Variants in NFASC observed in about 807,000 individuals in gnomAD.
NFASC encodes the protein neurofascin, also known as neurofascin homolog.
Under a neutral mutation model 147.5 loss-of-function variants are expected in NFASC, and 43 were observed. The ratio of observed to expected loss-of-function variants is 0.29; its 90% CI spans 0.23 to 0.38. The LOEUF (loss-of-function observed/expected upper bound fraction) is 0.38, where lower values mean the gene tolerates loss of function less well. NFASC is among the 10% of genes least tolerant of loss of function. The pLI is 1.00. For synonymous variants in NFASC, 622 were observed against 665.5 expected (o/e 0.93, Z 1.01); for missense variants, 1,320 against 1,689.0 (o/e 0.78, Z 3.83).
intron 1 of NFASC, among the ~76,000 whole-genome samples, chr1:204,907,001 T>C (rs1179193540): frequency 1.3e-5 from 2 of 152,220 alleles, no homozygotes; most frequent in South Asian, 4.1e-4. Context: ...TCCCAGGTCA[T>C]ATGGCAACTG....
chr1:205,021,974 C>T lies in NFASC; in HGVS notation c.*5435C>T, dbSNP rs531600302. ...CGGGCCTTCAGTGTGCTGTATTCCT[C>T]AGAAGTGAGGGCATCTCGGTCCATT... On this transcript the variant is annotated 3_prime_UTR_variant, in exon 30 of 30. Transcript: ENST00000339876. 2 of 152,646 alleles carry T rather than the reference C, an allele frequency of 1.3e-5. No individual in the cohort carries two copies. The highest frequency in any genetic ancestry group is 2.9e-5 in the Non-Finnish European group (2 of 68,066). The allele number at this position is 152,646 out of a possible 1,614,324, so 9.5% of individuals were successfully genotyped here.
intron 17 of NFASC, 110 bp from the exon 18 acceptor site, chr1:204,978,858 A>T: frequency 2.5e-6 from 2 of 796,444 alleles, no homozygotes; most frequent in Non-Finnish European, 2.0e-6. Flanking sequence ...CTGGGGTTGG[A>T]TCCAGCTGGT....
chr1:204,947,981 T>C (rs1387914800), intron 3 of NFASC, among the ~76,000 whole-genome samples: 1 of 151,904 alleles, frequency 6.6e-6, no homozygotes. Context: ...CACTCACACG[T>C]GCCCTCACAT....
chr1:204,944,685 A>T (rs2093596064), intron 3 of NFASC: 1 of 416,398 alleles, frequency 2.4e-6, no homozygotes, highest in Non-Finnish European at 4.2e-6. Flanking sequence ...GAGGTGGCGG[A>T]GTTTGGGATT....
chr1:204,914,440 G>T (rs2088626217), intron 1 of NFASC, among the ~76,000 whole-genome samples: 1 of 152,184 alleles, frequency 6.6e-6, no homozygotes, highest in South Asian at 2.1e-4. Context: ...TGTGAAGAAG[G>T]ACATGTTTGC....
At position 204,968,620 on chromosome 1, in the gene NFASC, C is replaced by T. The variant is rs113664288; in HGVS notation, c.819-178C>T. On this transcript the variant is annotated intron_variant, in intron 9 of 29. Transcript: ENST00000339876. The surrounding 1 kb of genome is among the most constrained non-coding windows in gnomAD (Gnocchi z 5.4). ...AGAATCTCGTGGGACCTTAGCTAAG[C>T]CTTCAGGCTCTCTGTGGCTGAGCAT... 2.5e-3 allele frequency: 1,597 copies of T among 639,202 alleles called. 17 individuals are homozygous for T. The African/African-American group carries it at 0.026, about 10-fold the overall frequency. 39.6% of individuals were successfully genotyped at this position (639,202 alleles called of 1,614,324 possible).
At chr1:204,884,408 G>A (rs1265172552) in intron 1 of NFASC, among the ~76,000 whole-genome samples, 1 of 152,164 alleles carries the variant, frequency 6.6e-6, no homozygotes, top group East Asian at 1.9e-4. Flanking sequence ...GGTATTGAGA[G>A]CCTCTTCTTC....
intron 13 of NFASC, 171 bp from the exon 14 acceptor site, chr1:204,974,486 C>A: frequency 1.1e-6 from 1 of 888,516 alleles, no homozygotes; most frequent in Non-Finnish European, 1.8e-6. Context: ...GGGATGGAGG[C>A]TTGCCAGGGC....
chr1:204,915,419 T>C (rs2088968136), intron 1 of NFASC, among the ~76,000 whole-genome samples: 2 of 152,200 alleles, frequency 1.3e-5, no homozygotes, highest in Admixed American at 6.5e-5. Context: ...TAAAAATACA[T>C]GTATATGTAT....
intron 1 of NFASC, among the ~76,000 whole-genome samples, chr1:204,910,689 GAGA>G (rs1558068274): frequency 6.6e-6 from 1 of 151,970 alleles, no homozygotes; most frequent in Non-Finnish European, 1.5e-5. Context: ...TTTTTGTAGG[GAGA>G]AGATCTTGCT....
intron 24 of NFASC, among the ~76,000 whole-genome samples, chr1:204,995,990 C>T (rs1046929243): frequency 1.5e-4 from 23 of 152,122 alleles, no homozygotes; most frequent in African/African-American, 4.3e-4. Context: ...TGTCAGATCA[C>T]AGGAGATCCA....
chr1:205,004,832 C>G (rs1358327996), intron 27 of NFASC, among the ~76,000 whole-genome samples: 1 of 152,228 alleles, frequency 6.6e-6, no homozygotes, highest in Non-Finnish European at 1.5e-5. Context: ...TGAAGGAAAC[C>G]ACTGGGAAGG....
intron 29 of NFASC, among the ~76,000 whole-genome samples, chr1:205,014,890 G>A (rs2096321122): frequency 6.6e-6 from 1 of 152,164 alleles, no homozygotes; most frequent in African/African-American, 2.4e-5. Context: ...GAGGAGCCTG[G>A]CGATTTCCCT....
intron 8 of NFASC, among the ~76,000 whole-genome samples, chr1:204,960,702 G>C (rs1401190852): frequency 1.3e-5 from 2 of 152,222 alleles, no homozygotes; most frequent in African/African-American, 4.8e-5. Flanking sequence ...GAGAGGAACA[G>C]AGTTGCCTCC....
chr1:204,984,599 C>T (rs58066240), intron 21 of NFASC, among the ~76,000 whole-genome samples: 35,520 of 151,714 alleles, frequency 0.23, 4,789 homozygotes, highest in Middle Eastern at 0.36. Flanking sequence ...TCCCAATGGC[C>T]CCTACTGGGC....
At chr1:204,870,737 G>A (rs904227726) in intron 1 of NFASC, 8 of 1,151,174 alleles carry the variant, frequency 6.9e-6, no homozygotes, top group Admixed American at 4.1e-5. Context: ...ATTGTGTGGC[G>A]TTCCATTCAC....
intron 2 of NFASC, 79 bp from the exon 3 acceptor site, chr1:204,944,147 C>A: frequency 7.6e-7 from 1 of 1,311,614 alleles, no homozygotes; most frequent in Non-Finnish European, 1.0e-6. Flanking sequence ...GCTCTTCGGT[C>A]CTCCAAAGCC....
intron 1 of NFASC, among the ~76,000 whole-genome samples, chr1:204,863,892 A>T (rs1359476863): frequency 6.6e-6 from 1 of 151,102 alleles, no homozygotes; most frequent in Admixed American, 6.6e-5. Flanking sequence ...AAAAGGAAGG[A>T]AGGAAGGATG....
At chr1:204,944,469 AGGG>A in intron 3 of NFASC, 63 bp downstream of exon 3, 4 of 389,394 alleles carry the variant, frequency 1.0e-5, no homozygotes, top group Non-Finnish European at 1.5e-5. Flanking sequence ...GTGGGAGGGG[AGGG>A]AAGGTCAGAG....
Sources: allele counts gnomAD v4.1 joint callset (sites outside exome capture counted in the v4.1 genomes callset), GRCh38; gene constraint gnomAD v4.1.1; non-coding constraint Gnocchi (gnomAD v3.1); transcripts MANE v1.5; gene names NCBI Gene and HGNC (gene_info 2026-07-23, HGNC 2026-07-21).